CIAO3: variants seen among roughly 807,000 people sequenced by gnomAD.
CIAO3 encodes cytosolic iron-sulfur assembly component 3, also known as LET1 like/JFP15.
Under a neutral mutation model 51.5 loss-of-function variants are expected in CIAO3, and 45 were observed. That is an observed-to-expected ratio of 0.87 (90% CI 0.69 to 1.12). The LOEUF (loss-of-function observed/expected upper bound fraction) is 1.12, where lower values mean the gene tolerates loss of function less well. Among genes scored for constraint, CIAO3 ranks in the 50% most tolerant of loss-of-function variants. The pLI is 0.00. For missense variants in CIAO3, 668 were observed against 632.5 expected (o/e 1.06, Z -0.60); for synonymous variants, 314 against 269.3 (o/e 1.17, Z -1.63).
intron 4 of CIAO3, chr16:735,296 T>C: frequency 5.9e-6 from 1 of 170,714 alleles, no homozygotes. Context: ...TGGCCACCCC[T>C]CACACACAGC....
rs2041354256 is a variant in CIAO3 at position 737,760 on chromosome 16, A to G, written c.163-431T>C. 2.4e-6 allele frequency: 3 copies of G among 1,243,586 alleles called. No individual in the cohort carries two copies. The highest frequency in any genetic ancestry group is 1.6e-5 in the African/African-American group (1 of 64,388). The allele number at this position is 1,243,586 out of a possible 1,614,324, so 77.0% of individuals were successfully genotyped here. On this transcript the variant is annotated intron_variant, in intron 2 of 10. Coordinates refer to ENST00000251588, the MANE Select transcript of CIAO3 (RefSeq NM_022493.3). This position sits in a 1 kb window ranked among gnomAD's most constrained non-coding sequence, Gnocchi z 5.3. ...AAGGACGAAGGCACAGGAAGAGGAGAGCAGAGGGAGGAAGCCTGGGAGCCT... is the reference window on the plus strand; with the variant it reads ...AAGGACGAAGGCACAGGAAGAGGAGGGCAGAGGGAGGAAGCCTGGGAGCCT...
intron 1 of CIAO3, chr16:740,146 G>A: frequency 7.8e-7 from 1 of 1,284,598 alleles, no homozygotes. Flanking sequence ...GGAAACAAGT[G>A]GATTTCTCTC....
At chr16:734,095 A>G (rs1253711747) in intron 6 of CIAO3, 134 bp downstream of exon 6, 2 of 777,536 alleles carry the variant, frequency 2.6e-6, no homozygotes, top group Non-Finnish European at 2.2e-6. Context: ...GGAGGGAACA[A>G]GGGTGGAGGT....
Position 740,973 on chromosome 16 carries a change from A to G in CIAO3, c.13T>C (p.Phe5Leu). 2 of 1,513,218 alleles carry G rather than the reference A, an allele frequency of 1.3e-6. No individual in the cohort carries two copies. The highest frequency in any genetic ancestry group is 1.8e-6 in the Non-Finnish European group (2 of 1,134,106). The allele number at this position is 1,513,218 out of a possible 1,614,324, so 93.7% of individuals were successfully genotyped here. The change falls in exon 1 of 11, where the codon TTC becomes CTC. Residue 5 changes from phenylalanine to leucine, a missense_variant. Transcript: ENST00000251588. ...TCCGTCAGCTGCAGCGCCCCGCTGA[A>G]GGGCGACGCCATGACGGCCGCACTG... MASPFSGALQLTDLD... is the reference protein window; with the variant it reads MASPLSGALQLTDLD...
Position 740,953 on chromosome 16 carries a change from C to G in CIAO3, c.33G>C (p.Leu11=). 6.6e-7 allele frequency: 1 copy of G among 1,520,556 alleles called. No homozygotes were observed. The highest frequency in any genetic ancestry group is 8.8e-7 in the Non-Finnish European group (1 of 1,138,056). 94.2% of individuals were successfully genotyped at this position (1,520,556 alleles called of 1,614,324 possible). Residue 11 remains leucine (L), a synonymous_variant, in exon 1 of 11, where the codon CTG becomes CTC. Transcript: ENST00000251588. MASPFSGALQ[L]TDLDDFIGPS... is the part of the protein sequence containing the mutation. ...GCCCGATGAAGTCATCCAGGTCCGT[C>G]AGCTGCAGCGCCCCGCTGAAGGGCG...
intron 7 of CIAO3, 61 bp downstream of exon 7, chr16:733,237 C>T (rs1249108612): frequency 1.9e-6 from 3 of 1,597,154 alleles, no homozygotes; most frequent in East Asian, 2.2e-5. Context: ...CCACCTGTGC[C>T]CAGGGCTCAG....
rs565021512 is a variant in CIAO3, at chr16:732,232, AG to A, written c.896+68del. The A allele has an allele frequency of 2.5e-4, 371 of 1,491,148 alleles. 8 individuals carry two copies. The South Asian group carries it at 4.5e-3, about 18-fold the overall frequency. The allele number at this position is 1,491,148 out of a possible 1,614,324, so 92.4% of individuals were successfully genotyped here. ...GGCTGCGGGGAGGCAAGCCCAGAGC[AG>A]GGGGATGCTATCCTCAGAGGCAGCG... On this transcript the variant is annotated intron_variant, in intron 8 of 10. Transcript: ENST00000251588.
intron 3 of CIAO3, 146 bp from the exon 4 acceptor site, chr16:736,544 T>TC: frequency 1.8e-5 from 18 of 1,019,480 alleles, no homozygotes; most frequent in Non-Finnish European, 2.2e-5. Context: ...ACACAGAGTC[T>TC]CACTCTGTTG....
chr16:735,011 G>T, intron 4 of CIAO3, 140 bp from the exon 5 acceptor site: 2 of 1,226,600 alleles, frequency 1.6e-6, no homozygotes, highest in South Asian at 3.4e-5. Flanking sequence ...CCCCACCGTG[G>T]GGACCTCCTA....
At position 731,093 on chromosome 16, in the gene CIAO3, C is replaced by T. The variant is rs945255313; in HGVS notation, c.1035-93G>A. On this transcript the variant is annotated intron_variant, in intron 9 of 10. Coordinates refer to ENST00000251588, the MANE Select transcript of CIAO3 (RefSeq NM_022493.3). ...GGCCTGCTGGGCTTCAGGGGATGAC[C>T]GGGTACCTCCCAGGGCTCTCTCCCT... The T allele has an allele frequency of 4.2e-5, 63 of 1,510,770 alleles. No individual in the cohort carries two copies. In the African/African-American group the frequency reaches 5.5e-4, roughly 13 times the overall value. The allele number at this position is 1,510,770 out of a possible 1,614,324, so 93.6% of individuals were successfully genotyped here. A position where few individuals can be genotyped will look rare whatever the true frequency, so the allele number is the denominator to read the frequency against.
At chr16:740,527 C>T (rs532754567) in intron 1 of CIAO3, 8 of 312,220 alleles carry the variant, frequency 2.6e-5, no homozygotes, top group South Asian at 1.4e-4. Flanking sequence ...GAAGAGGCCC[C>T]GGCCCGGGCC....
intron 4 of CIAO3, among the ~76,000 whole-genome samples, 186 bp downstream of exon 4, chr16:736,080 A>G (rs1418708396): frequency 6.6e-6 from 1 of 152,182 alleles, no homozygotes; most frequent in Admixed American, 6.5e-5. Flanking sequence ...GTGTTCTGTG[A>G]GAAGGCCCTG....
At position 740,977 on chromosome 16, in the gene CIAO3, C is replaced by A. The variant is rs1204486329; in HGVS notation, c.9G>T (p.Ser3=). 2.0e-6 allele frequency: 3 copies of A among 1,510,710 alleles called. No homozygotes were observed. The highest frequency in any genetic ancestry group is 4.0e-5 in the Admixed American group (2 of 49,676). The allele number at this position is 1,510,710 out of a possible 1,614,324, so 93.6% of individuals were successfully genotyped here. The change falls in exon 1 of 11, where the codon TCG becomes TCT. Residue 3 remains serine (S), a synonymous_variant. Transcript: ENST00000251588. MA[S]PFSGALQLTD... ...TCAGCTGCAGCGCCCCGCTGAAGGG[C>A]GACGCCATGACGGCCGCACTGCCGC...
intron 2 of CIAO3, chr16:738,167 A>G: frequency 1.0e-6 from 1 of 999,896 alleles, no homozygotes; most frequent in Non-Finnish European, 1.2e-6. Flanking sequence ...GCTCCTCCAA[A>G]CCAACTGCCA....
At chr16:735,600 T>C (rs1337727009) in intron 4 of CIAO3, 1 of 152,256 alleles carries the variant, frequency 6.6e-6, no homozygotes, top group African/African-American at 2.4e-5. Flanking sequence ...AGGTTTTCCC[T>C]GGGACACCAG....
Position 740,931 on chromosome 16 carries a change from C to G in CIAO3, c.55G>C (p.Gly19Arg). ...LQLTDLDDFI[G>R]PSQECIKPVK... ...CCAGGCCGGCCCACCTGAGACGGCC[C>G]GATGAAGTCATCCAGGTCCGTCAGC... is the stretch of plus-strand genomic sequence containing the variant. Residue 19 changes from glycine (G) to arginine (R), a missense_variant, in exon 1 of 11, where the codon GGG becomes CGG. Coordinates refer to ENST00000251588, the MANE Select transcript of CIAO3 (RefSeq NM_022493.3). 1 of 1,528,452 alleles carries G rather than the reference C, an allele frequency of 6.5e-7. No homozygotes were observed. The highest frequency in any genetic ancestry group is 8.8e-7 in the Non-Finnish European group (1 of 1,142,536). The allele number at this position is 1,528,452 out of a possible 1,614,324, so 94.7% of individuals were successfully genotyped here.
Position 731,646 on chromosome 16 carries a change from C to T in CIAO3, c.953G>A (p.Gly318Asp). The T allele has an allele frequency of 6.4e-7, 1 of 1,556,662 alleles. No homozygotes were observed. The highest frequency in any genetic ancestry group is 1.4e-5 in the African/African-American group (1 of 73,572). ...PTSHRGGGSG[G>D]YLEHVFRHAA... ...GTGCCGGAACACGTGCTCCAGGTAG[C>T]CCCCCGAGCCCCCTCCCCGATGGCT... Residue 318 changes from glycine to aspartate, a missense_variant, in exon 9 of 11, where the codon GGC becomes GAC. By Grantham distance (94) the Gly-to-Asp change is moderately conservative (BLOSUM62 -1). Transcript: ENST00000251588.
Position 730,104 on chromosome 16 carries a change from G to A in CIAO3, c.*313C>T, listed in dbSNP as rs1232831543. On this transcript the variant is annotated 3_prime_UTR_variant, in exon 11 of 11. Transcript: ENST00000251588. ...GCTGAAGCCCCTCACGCACTTGGGT[G>A]CCCGACCAGCAGCAGCAAGGGCAGC... 2.5e-5 allele frequency: 12 copies of A among 486,250 alleles called. No homozygotes were observed. Among genetic ancestry groups the A allele is most frequent in the Admixed American group, 1.4e-4 (4 of 27,616 alleles). 30.1% of individuals were successfully genotyped at this position (486,250 alleles called of 1,614,324 possible).
rs2151605370 is a variant in CIAO3 at position 740,820 on chromosome 16, A to C, written c.66+100T>G. On this transcript the variant is annotated intron_variant, in intron 1 of 10. Transcript: ENST00000251588. Reference sequence around the variant, plus strand: ...CCCAGACCGGGCTCCCGGGATTCGGATCTCATTCCTCAGGGGAGGAAGTGG... The same window carrying C: ...CCCAGACCGGGCTCCCGGGATTCGGCTCTCATTCCTCAGGGGAGGAAGTGG... The C allele has an allele frequency of 4.0e-6, 5 of 1,256,088 alleles. No homozygotes were observed. The South Asian group carries it at 6.5e-5, about 16-fold the overall frequency. 77.8% of individuals were successfully genotyped at this position (1,256,088 alleles called of 1,614,324 possible).
Sources: gnomAD v4.1 joint callset for allele counts (sites outside exome capture counted in the v4.1 genomes callset) on GRCh38, gnomAD v4.1.1 for gene constraint, Gnocchi (gnomAD v3.1) non-coding constraint, MANE v1.5 for transcripts, NCBI Gene and HGNC (gene_info 2026-07-23, HGNC 2026-07-21) for gene names.